The following BDH1 variants were observed in gnomAD, a reference collection of about 807,000 sequenced individuals.
The protein encoded by BDH1 is 3-hydroxybutyrate dehydrogenase 1.
In BDH1, 30 loss-of-function variants were observed where a neutral mutation model predicts 33.1. The observed-to-expected ratio is 0.91, with a 90% CI of 0.68 to 1.23. The LOEUF (loss-of-function observed/expected upper bound fraction) is 1.23. Among genes scored for constraint, BDH1 ranks in the 50% most tolerant of loss-of-function variants. The pLI is 0.00. For synonymous variants in BDH1, 190 were observed against 183.6 expected (o/e 1.03, Z -0.28); for missense variants, 443 against 464.4 (o/e 0.95, Z 0.42).
At chr3:197,544,002 G>A (rs142343881) in intron 3 of BDH1, among the ~76,000 whole-genome samples, 1 of 152,252 alleles carries the variant, frequency 6.6e-6, no homozygotes, top group African/African-American at 2.4e-5. Context: ...CTCCATCACT[G>A]GACATATTCA....
chr3:197,534,782 A>G (rs1715001734), intron 3 of BDH1, among the ~76,000 whole-genome samples: 1 of 152,246 alleles, frequency 6.6e-6, no homozygotes, highest in South Asian at 2.1e-4. Flanking sequence ...TGAAAACTGT[A>G]TCATGATATT....
intron 5 of BDH1, among the ~76,000 whole-genome samples, chr3:197,527,600 A>G (rs961814413): frequency 9.2e-5 from 14 of 151,952 alleles, no homozygotes; most frequent in African/African-American, 3.4e-4. Flanking sequence ...CTGATACAAG[A>G]TCTGCTCCCG....
intron 3 of BDH1, among the ~76,000 whole-genome samples, chr3:197,537,787 A>G (rs1409409825): frequency 2.0e-5 from 3 of 152,218 alleles, no homozygotes; most frequent in African/African-American, 7.2e-5. Flanking sequence ...TTCTTCTTTT[A>G]GTTCATTAAT....
chr3:197,522,591 C>T lies in BDH1; in HGVS notation c.409+49G>A. The T allele has an allele frequency of 6.2e-7, 1 of 1,607,362 alleles. No homozygotes were observed. The highest frequency in any genetic ancestry group is 8.5e-7 in the Non-Finnish European group (1 of 1,176,534). On this transcript the variant is annotated intron_variant, in intron 6 of 7. Transcript: ENST00000392379. This position sits in a 1 kb window ranked among gnomAD's most constrained non-coding sequence, Gnocchi z 4.8. ...GGAAGGTGGTGTTCGGCAAGTGCCC[C>T]TTGGAATGGCCCCATACACAACCCC...
At position 197,522,844 on chromosome 3, in the gene BDH1, A is replaced by G; in HGVS notation, c.268-63T>C. 1 of 1,573,396 alleles carries G rather than the reference A, an allele frequency of 6.4e-7. No individual in the cohort carries two copies. Among genetic ancestry groups the G allele is most frequent in the Non-Finnish European group, 8.7e-7 (1 of 1,155,830 alleles). ...TCCCACCCTGAGGCAGACCCTGAGG[A>G]CTCCTGTCAAGGCAGGAGCTGGCCT... On this transcript the variant is annotated intron_variant, in intron 5 of 7. Transcript: ENST00000392379. This position sits in a 1 kb window ranked among gnomAD's most constrained non-coding sequence, Gnocchi z 4.8.
At chr3:197,544,173 C>T (rs572288711) in intron 3 of BDH1, among the ~76,000 whole-genome samples, 1 of 152,210 alleles carries the variant, frequency 6.6e-6, no homozygotes, top group South Asian at 2.1e-4. Context: ...GGCGATTACC[C>T]ACCATGCCAG....
At chr3:197,527,204 C>T (rs115996491) in intron 5 of BDH1, among the ~76,000 whole-genome samples, 217 of 152,296 alleles carry the variant, frequency 1.4e-3, no homozygotes, top group Non-Finnish European at 1.3e-3. Context: ...CTGTGATGTT[C>T]ACAGGATGGG....
upstream of BDH1, among the ~76,000 whole-genome samples, chr3:197,560,076 C>A (rs556517768): frequency 1.7e-4 from 26 of 152,320 alleles, no homozygotes; most frequent in African/African-American, 6.0e-4. Context: ...CAAATTAGCA[C>A]GTTAGTTTTG....
upstream of BDH1, among the ~76,000 whole-genome samples, chr3:197,560,090 G>A (rs1411139510): frequency 6.6e-6 from 1 of 152,242 alleles, no homozygotes; most frequent in Non-Finnish European, 1.5e-5. Context: ...AGTTTTGGGA[G>A]GGAAACAGTC....
In BDH1 at chr3:197,512,300, G is replaced by A. The variant is rs1379858389; in HGVS notation, c.627C>T (p.Cys209=). ...AAGCCTCTACCCCGAACTTGGTGAT[G>A]CAGTACGGGGAGCGGGCCGGGTTGG... ...RMANPARSPY[C]ITKFGVEAFS... Residue 209 remains cysteine, a synonymous_variant, in exon 8 of 8, where the codon TGC becomes TGT. Transcript: ENST00000392379. The A allele has an allele frequency of 6.2e-7, 1 of 1,612,124 alleles. No individual in the cohort carries two copies. The highest frequency in any genetic ancestry group is 8.5e-7 in the Non-Finnish European group (1 of 1,180,022).
chr3:197,566,670 T>G (rs1717444155), intron 1 of BDH1, among the ~76,000 whole-genome samples: 1 of 152,176 alleles, frequency 6.6e-6, no homozygotes, highest in Non-Finnish European at 1.5e-5. Context: ...AACGGGAAAC[T>G]GAAGAGAGAA....
intron 1 of BDH1, among the ~76,000 whole-genome samples, chr3:197,569,819 G>A (rs998336111): frequency 3.3e-5 from 5 of 152,220 alleles, no homozygotes; most frequent in Non-Finnish European, 1.5e-5. Flanking sequence ...TTTATCAGCA[G>A]CAAGAAAACA....
intron 3 of BDH1, among the ~76,000 whole-genome samples, chr3:197,539,376 G>A (rs1715412395): frequency 6.6e-6 from 1 of 152,120 alleles, no homozygotes; most frequent in Non-Finnish European, 1.5e-5. Context: ...CTGACCTCAG[G>A]TGTTCCGCCC....
In BDH1 at chr3:197,551,423, A is replaced by G. The variant is rs183287584; in HGVS notation, c.-44+3139T>C. 1.2e-3 allele frequency among the ~76,000 whole-genome samples: 189 copies of G among 152,318 alleles called. 1 individual carries two copies. Among genetic ancestry groups the G allele is most frequent in the African/African-American group, 4.3e-3 (179 of 41,554 alleles). On this transcript the variant is annotated intron_variant, in intron 2 of 7. Coordinates refer to ENST00000392379, the MANE Select transcript of BDH1 (RefSeq NM_203314.3). The stretch of plus-strand genomic sequence containing the variant: ...GATCTCATTCTTTTTTTCTGGCTGA[A>G]TACTACTCCATTGTGTATATGTACC...
chr3:197,553,527 CAAA>C (rs750811753), intron 2 of BDH1, among the ~76,000 whole-genome samples: 12,829 of 96,922 alleles, frequency 0.13, 665 homozygotes, highest in Middle Eastern at 0.18. Flanking sequence ...GACTCTGTCT[CAAA>C]AAAAAAAAAA....
chr3:197,533,668 C>T lies in BDH1; in HGVS notation c.84-107G>A. On this transcript the variant is annotated intron_variant, in intron 3 of 7. Transcript: ENST00000392379. Reference sequence around the variant, plus strand: ...TCTCTCCAGCCCCGGCTCCTGGAGACAGCTTGCTGGTACAACTGAGTAAGA... The same window carrying T: ...TCTCTCCAGCCCCGGCTCCTGGAGATAGCTTGCTGGTACAACTGAGTAAGA... 6.4e-6 allele frequency: 7 copies of T among 1,093,380 alleles called. No individual in the cohort carries two copies. The South Asian group carries it at 9.4e-5, about 15-fold the overall frequency. The allele number at this position is 1,093,380 out of a possible 1,614,324, so 67.7% of individuals were successfully genotyped here.
intron 5 of BDH1, chr3:197,529,301 G>A (rs564916931): frequency 3.9e-5 from 6 of 152,350 alleles, no homozygotes; most frequent in East Asian, 3.9e-4. Context: ...TGTTAATACC[G>A]GTTGAGCATC....
chr3:197,548,476 A>G (rs914288438), intron 2 of BDH1, among the ~76,000 whole-genome samples: 5 of 152,218 alleles, frequency 3.3e-5, no homozygotes, highest in Non-Finnish European at 7.3e-5. Flanking sequence ...CTCCAAATAG[A>G]CAGCTGCTTT....
At chr3:197,565,337 G>T (rs780619621) in intron 1 of BDH1, among the ~76,000 whole-genome samples, 16 of 152,060 alleles carry the variant, frequency 1.1e-4, no homozygotes, top group Non-Finnish European at 1.9e-4. Flanking sequence ...TCAAATGAAT[G>T]ACTTATTTTA....
Sources: gnomAD v4.1 joint callset for allele counts (sites outside exome capture counted in the v4.1 genomes callset) on GRCh38, gnomAD v4.1.1 for gene constraint, Gnocchi (gnomAD v3.1) non-coding constraint, MANE v1.5 for transcripts, NCBI Gene and HGNC (gene_info 2026-07-23, HGNC 2026-07-21) for gene names.